The following CUL2 variants were observed in gnomAD, a reference collection of about 807,000 sequenced individuals.
CUL2 encodes the protein cullin-2.
A neutral mutation model predicts 110.2 loss-of-function variants in CUL2; 22 were observed. The observed-to-expected ratio is 0.20, with a 90% CI of 0.14 to 0.28. The LOEUF (loss-of-function observed/expected upper bound fraction) is 0.28. Ranked by LOEUF, CUL2 falls within the 10% of genes least tolerant of loss-of-function variation. The pLI is 1.00. For synonymous variants in CUL2, 279 were observed against 293.2 expected (o/e 0.95, Z 0.49); for missense variants, 631 against 905.5 (o/e 0.70, Z 3.89).
intron 6 of CUL2, among the ~76,000 whole-genome samples, chr10:35,045,917 C>A (rs1024682686): frequency 3.9e-5 from 6 of 152,098 alleles, no homozygotes; most frequent in African/African-American, 1.4e-4. Flanking sequence ...ACAAAGAGAG[C>A]AACAGAAAAC....
intron 1 of CUL2, among the ~76,000 whole-genome samples, chr10:35,080,078 G>A (rs573869291): frequency 9.2e-5 from 14 of 152,298 alleles, no homozygotes; most frequent in South Asian, 8.3e-4. Flanking sequence ...CCCATTGACC[G>A]TGGGTAACTA....
intron 1 of CUL2, among the ~76,000 whole-genome samples, chr10:35,075,670 ACACACACACACACG>A (rs1254626785): frequency 6.7e-6 from 1 of 149,528 alleles, no homozygotes; most frequent in African/African-American, 2.5e-5. Context: ...ACACACACAC[ACACACACACACACG>A]CACGCTCCAC....
intron 2 of CUL2, chr10:35,097,908 A>G (rs568446118): frequency 1.3e-5 from 2 of 152,078 alleles, no homozygotes; most frequent in Admixed American, 6.6e-5. Flanking sequence ...GCAGTGAGCC[A>G]CAATCATGCC....
In CUL2 at chr10:35,044,552, G is replaced by GTTTTATTT. The variant is rs776852957; in HGVS notation, c.714+6_714+13dup. 1.3e-6 allele frequency: 2 copies of GTTTTATTT among 1,503,632 alleles called. No individual in the cohort carries two copies. Among genetic ancestry groups the GTTTTATTT allele is most frequent in the Non-Finnish European group, 1.8e-6 (2 of 1,096,738 alleles). 93.1% of individuals were successfully genotyped at this position (1,503,632 alleles called of 1,614,324 possible). A position where few individuals can be genotyped will look rare whatever the true frequency, so the allele number is the denominator to read the frequency against. ...CAAAATAGATAAATGTATTCGATAT[G>GTTTTATTT]TTTTATTTCTTACCTTTTCCATATA... is the stretch of plus-strand genomic sequence containing the variant. On this transcript the variant is annotated intron_variant, in intron 8 of 20. Transcript: ENST00000374749.
intron 1 of CUL2, among the ~76,000 whole-genome samples, chr10:35,085,207 T>A (rs1005696936): frequency 6.7e-6 from 1 of 150,368 alleles, no homozygotes; most frequent in African/African-American, 2.5e-5. Context: ...GGCAGGCAGA[T>A]CACAAGGTCA....
chr10:35,026,689 AAC>A (rs1263914789), intron 16 of CUL2, among the ~76,000 whole-genome samples: 13 of 152,310 alleles, frequency 8.5e-5, no homozygotes, highest in African/African-American at 3.1e-4. Context: ...GTCAAGAACA[AAC>A]AGACTCCAAT....
At chr10:35,070,812 A>G (rs2086657960) in intron 2 of CUL2, among the ~76,000 whole-genome samples, 1 of 152,088 alleles carries the variant, frequency 6.6e-6, no homozygotes, top group African/African-American at 2.4e-5. Context: ...GCACCCACAC[A>G]GGTGCTCCAA....
chr10:35,107,119 C>A (rs537123655), intron 1 of CUL2, among the ~76,000 whole-genome samples: 1 of 152,042 alleles, frequency 6.6e-6, no homozygotes, highest in Non-Finnish European at 1.5e-5. Context: ...GGACTACATG[C>A]GCCCACCACC....
At chr10:35,016,992 AAAAAG>A (rs1210650250) in intron 17 of CUL2, among the ~76,000 whole-genome samples, 1 of 152,032 alleles carries the variant, frequency 6.6e-6, no homozygotes, top group Non-Finnish European at 1.5e-5. Flanking sequence ...ACTTAGGCAG[AAAAAG>A]AAAAGAACAA....
chr10:35,082,980 A>T (rs868554551), intron 1 of CUL2, among the ~76,000 whole-genome samples: 2 of 152,052 alleles, frequency 1.3e-5, no homozygotes, highest in Middle Eastern at 3.2e-3. Flanking sequence ...CAACATGGTG[A>T]AACCCCATCT....
upstream of CUL2, among the ~76,000 whole-genome samples, chr10:35,095,523 G>T (rs568956838): frequency 1.3e-4 from 19 of 151,986 alleles, no homozygotes; most frequent in Non-Finnish European, 2.4e-4. Context: ...CTCTGATTTT[G>T]ATCTTTATGA....
intron 16 of CUL2, 116 bp downstream of exon 16, chr10:35,028,694 G>C (rs1486059416): frequency 6.6e-6 from 4 of 610,106 alleles, no homozygotes; most frequent in Admixed American, 3.0e-5. Context: ...TATAATTTCT[G>C]AATCTATTTT....
intron 6 of CUL2, among the ~76,000 whole-genome samples, chr10:35,047,641 G>A (rs2085979292): frequency 6.6e-6 from 1 of 151,846 alleles, no homozygotes. Flanking sequence ...ATAAAGGCCG[G>A]GTGCGGTGGC....
Position 35,044,630 on chromosome 10 carries a change from T to C in CUL2, c.650A>G (p.Glu217Gly). 6.2e-7 allele frequency: 1 copy of C among 1,611,258 alleles called. No individual in the cohort carries two copies. The highest frequency in any genetic ancestry group is 8.5e-7 in the Non-Finnish European group (1 of 1,179,482). The change falls in exon 8 of 21, where the codon GAG becomes GGG. Residue 217 changes from glutamate (E) to glycine (G), a missense_variant. Glu to Gly is a moderately conservative substitution (Grantham distance 98). Transcript: ENST00000374749. The part of the protein sequence containing the change: ...FESPFLTETG[E>G]YYKQEASNLL... The stretch of plus-strand genomic sequence containing the variant: ...ATTTGAAGCTTCTTGTTTGTAATAC[T>C]CTCCTGTTTCAGTCAGAAAGGGAGA...
intron 2 of CUL2, among the ~76,000 whole-genome samples, chr10:35,098,472 G>C (rs937887482): frequency 1.3e-5 from 2 of 151,884 alleles, no homozygotes; most frequent in African/African-American, 4.8e-5. Flanking sequence ...TGTAATACCA[G>C]CACTTTAGGA....
chr10:35,036,465 A>G (rs75115307), intron 9 of CUL2, among the ~76,000 whole-genome samples: 22,934 of 152,046 alleles, frequency 0.15, 1,953 homozygotes, highest in East Asian at 0.24. Context: ...GGGGGTGGTT[A>G]TATGTTTAGG....
chr10:35,103,308 ATTTTTTTTTTTTTTT>A (rs67257350), intron 1 of CUL2, among the ~76,000 whole-genome samples: 2 of 94,546 alleles, frequency 2.1e-5, no homozygotes, highest in African/African-American at 7.4e-5. Flanking sequence ...GGCCAAGCTA[ATTTTTTTTTTTTTTT>A]TTTTTTTTTA....
At chr10:35,035,729 G>A (rs1225103823) in intron 9 of CUL2, among the ~76,000 whole-genome samples, 1 of 152,092 alleles carries the variant, frequency 6.6e-6, no homozygotes, top group Admixed American at 6.6e-5. Context: ...TCTTGATATT[G>A]CAATGTTGCA....
intron 17 of CUL2, among the ~76,000 whole-genome samples, chr10:35,017,108 T>C (rs1451116843): frequency 6.6e-6 from 1 of 152,080 alleles, no homozygotes; most frequent in African/African-American, 2.4e-5. Context: ...AGCTGGGCTC[T>C]CCCAGGTAAG....
Sources: gnomAD v4.1 joint callset for allele counts (sites outside exome capture counted in the v4.1 genomes callset) on GRCh38, gnomAD v4.1.1 for gene constraint, MANE v1.5 for transcripts, NCBI Gene and HGNC (gene_info 2026-07-23, HGNC 2026-07-21) for gene names.